The following SNRPN variants were observed in gnomAD, a reference collection of about 807,000 sequenced individuals.
SNRPN encodes the protein small nuclear ribonucleoprotein-associated protein N.
A neutral mutation model predicts 25.2 loss-of-function variants in SNRPN; 7 were observed. That is an observed-to-expected ratio of 0.28 (90% CI 0.16 to 0.52). The LOEUF is 0.52. Ranked by LOEUF, SNRPN falls within the 20% of genes least tolerant of loss-of-function variation. The pLI, the probability that SNRPN is intolerant of heterozygous loss-of-function variation, is 0.96. For synonymous variants in SNRPN, 124 were observed against 110.6 expected (o/e 1.12, Z -0.76); for missense variants, 196 against 322.5 (o/e 0.61, Z 3.00).
intron 2 of SNRPN, among the ~76,000 whole-genome samples, chr15:24,835,920 C>A (rs2051137965): frequency 6.6e-6 from 1 of 151,970 alleles, no homozygotes; most frequent in African/African-American, 2.4e-5. Context: ...CCTCTTCGGC[C>A]TCCCAAAGGG....
intron 1 of SNRPN, among the ~76,000 whole-genome samples, chr15:24,860,859 A>G (rs1268776959): frequency 6.6e-6 from 1 of 152,166 alleles, no homozygotes; most frequent in Non-Finnish European, 1.5e-5. Context: ...AAAATGTAAT[A>G]AGTTTACCAG....
At chr15:24,894,820 G>C (rs922266408) in intron 2 of SNRPN, among the ~76,000 whole-genome samples, 10 of 152,160 alleles carry the variant, frequency 6.6e-5, no homozygotes, top group Non-Finnish European at 1.3e-4. Context: ...GCAGACTCCA[G>C]AATGAAGTGT....
rs1042044194 is a variant in SNRPN, at chr15:24,843,834, G to A, written c.-579+13929G>A. Among the ~76,000 whole-genome samples the A allele has an allele frequency of 6.0e-5, 8 of 133,626 alleles. No individual in the cohort carries two copies. In the South Asian group the frequency reaches 9.2e-4, roughly 15 times the overall value. 87.7% of individuals were successfully genotyped at this position (133,626 alleles called of 152,430 possible). On this transcript the variant is annotated intron_variant, in intron 2 of 12. Transcript: ENST00000400100. ...ACACACACAGAAAACTTAGCTAGGC[G>A]TGGTGGCACACGCCTGTAATCCCAG...
At chr15:24,844,131 AGTGT>A (rs138942935) in intron 2 of SNRPN, among the ~76,000 whole-genome samples, 34 of 149,636 alleles carry the variant, frequency 2.3e-4, no homozygotes, top group East Asian at 4.0e-4. Flanking sequence ...GTGTGTCTGT[AGTGT>A]GTGTGTGTGT....
chr15:24,907,615 C>G (rs2058908217), intron 2 of SNRPN, among the ~76,000 whole-genome samples: 3 of 151,254 alleles, frequency 2.0e-5, no homozygotes, highest in Admixed American at 6.6e-5. Flanking sequence ...AGAAAAAAAT[C>G]ATGTTGAAAT....
intron 1 of SNRPN, among the ~76,000 whole-genome samples, chr15:24,867,506 C>G (rs1392442841): frequency 6.6e-6 from 1 of 151,978 alleles, no homozygotes; most frequent in Non-Finnish European, 1.5e-5. Context: ...TCCCGAGTAG[C>G]TGGGACTACA....
intron 3 of SNRPN, chr15:24,968,352 A>C (rs1017626204): frequency 4.1e-5 from 11 of 270,188 alleles, no homozygotes; most frequent in African/African-American, 2.3e-4. Flanking sequence ...ATTTCACTAT[A>C]AATGGCTCTT....
At chr15:24,944,542 A>G (rs1299816701) in intron 3 of SNRPN, among the ~76,000 whole-genome samples, 1 of 152,216 alleles carries the variant, frequency 6.6e-6, no homozygotes, top group African/African-American at 2.4e-5. Context: ...TACTAAAAAT[A>G]CAAAAAGCAA....
chr15:24,844,647 C>A (rs2052026974), intron 2 of SNRPN, among the ~76,000 whole-genome samples: 1 of 152,118 alleles, frequency 6.6e-6, no homozygotes, highest in Non-Finnish European at 1.5e-5. Flanking sequence ...GCCTCAGCCT[C>A]TTGAGTAGCT....
rs2050897212 is a variant in SNRPN, at chr15:24,834,760, T to TAC, written c.-579+4856_-579+4857insCA. On this transcript the variant is annotated intron_variant, in intron 2 of 12. Transcript: ENST00000400100. Reference sequence around the variant, plus strand: ...CTCTCTCTCTCTCTCTCTATATATATATATATATATATATATATAGCCAGG... The same window carrying TAC: ...CTCTCTCTCTCTCTCTCTATATATATACATATATATATATATATATAGCCAGG... 2.6e-5 allele frequency among the ~76,000 whole-genome samples: 3 copies of TAC among 116,976 alleles called. No homozygotes were observed. In the South Asian group the frequency reaches 8.1e-4, roughly 32 times the overall value. 76.7% of individuals were successfully genotyped at this position (116,976 alleles called of 152,430 possible).
At chr15:24,857,945 G>A (rs2053570890) in intron 1 of SNRPN, among the ~76,000 whole-genome samples, 1 of 152,092 alleles carries the variant, frequency 6.6e-6, no homozygotes, top group Non-Finnish European at 1.5e-5. Flanking sequence ...CATAGGGAGT[G>A]GAAGCTGTCC....
At chr15:24,888,453 A>G (rs1420240381) in intron 2 of SNRPN, among the ~76,000 whole-genome samples, 1 of 152,154 alleles carries the variant, frequency 6.6e-6, no homozygotes, top group Non-Finnish European at 1.5e-5. Flanking sequence ...TTCCTACACA[A>G]CATCAGTTTT....
chr15:24,977,649 G>T, intron 7 of SNRPN, 129 bp from the exon 8 acceptor site: 1 of 906,756 alleles, frequency 1.1e-6, no homozygotes. Flanking sequence ...AAAAAAACAT[G>T]GGAATAATGA....
At chr15:24,850,423 G>C (rs912857480) in intron 2 of SNRPN, 1 of 151,926 alleles carries the variant, frequency 6.6e-6, no homozygotes, top group Non-Finnish European at 1.5e-5. Flanking sequence ...CATTTCTCCT[G>C]CCTCAGCCTC....
intron 1 of SNRPN, among the ~76,000 whole-genome samples, chr15:24,866,256 A>T (rs770186156): frequency 6.8e-6 from 1 of 147,942 alleles, no homozygotes. Flanking sequence ...TAAATAACAG[A>T]TAAAATGAGA....
At position 24,909,662 on chromosome 15, in the gene SNRPN, C is replaced by T. The variant is rs370588887; in HGVS notation, c.-504-10349C>T. ...ACAAATGATATCTCTGTTTGTTACACGAACTATCATCCTGTATTTGAGTGT... is the reference window on the plus strand; with the variant it reads ...ACAAATGATATCTCTGTTTGTTACATGAACTATCATCCTGTATTTGAGTGT... On this transcript the variant is annotated intron_variant, in intron 2 of 11. Transcript: ENST00000400097. 135 of 1,226,430 alleles carry T rather than the reference C, an allele frequency of 1.1e-4. No individual in the cohort carries two copies. The East Asian group carries it at 1.7e-3, about 15-fold the overall frequency. 76.0% of individuals were successfully genotyped at this position (1,226,430 alleles called of 1,614,324 possible).
At chr15:24,975,612 A>G (rs2076968951) in intron 5 of SNRPN, 103 bp downstream of exon 5, 2 of 919,296 alleles carry the variant, frequency 2.2e-6, no homozygotes, top group Non-Finnish European at 3.4e-6. Context: ...GTAGTTAGGG[A>G]AACTATGGTA....
At chr15:24,831,226 C>T (rs12437927) in intron 2 of SNRPN, among the ~76,000 whole-genome samples, 24,899 of 151,906 alleles carry the variant, frequency 0.16, 2,412 homozygotes, top group South Asian at 0.22. Context: ...ACATTACATT[C>T]TTTCTGAAGC....
At chr15:24,963,005 TA>T (rs11352421) in intron 2 of SNRPN, among the ~76,000 whole-genome samples, 75,839 of 151,958 alleles carry the variant, frequency 0.5, 20,812 homozygotes, top group African/African-American at 0.74. Flanking sequence ...ACTACCAACT[TA>T]ACTGGCCTTT....
Sources: allele counts gnomAD v4.1 joint callset (sites outside exome capture counted in the v4.1 genomes callset), GRCh38; gene constraint gnomAD v4.1.1; transcripts MANE v1.5; gene names NCBI Gene and HGNC (gene_info 2026-07-23, HGNC 2026-07-21).